The following CHST8 variants were observed in gnomAD, a reference collection of about 807,000 sequenced individuals.
CHST8 encodes carbohydrate sulfotransferase 8, also known as GALNAC-4-ST1.
In CHST8, 10 loss-of-function variants were observed where a neutral mutation model predicts 15.0. The ratio of observed to expected loss-of-function variants is 0.67; its 90% CI spans 0.41 to 1.13. The LOEUF (loss-of-function observed/expected upper bound fraction) is 1.13. Among genes scored for constraint, CHST8 ranks in the 50% most tolerant of loss-of-function variants. The probability of loss-of-function intolerance (pLI) is 0.00; values close to 1 mark genes in which losing one functional copy is unlikely to be tolerated. For synonymous variants in CHST8, 259 were observed against 256.6 expected (o/e 1.01, Z -0.09); for missense variants, 634 against 608.2 (o/e 1.04, Z -0.45).
intron 3 of CHST8, among the ~76,000 whole-genome samples, chr19:33,764,684 C>A (rs1203999357): frequency 6.6e-6 from 1 of 152,058 alleles, no homozygotes; most frequent in Non-Finnish European, 1.5e-5. Context: ...CTAGAGTGGG[C>A]CCTTTTTAAA....
At chr19:33,746,779 G>A (rs529796603) in intron 3 of CHST8, among the ~76,000 whole-genome samples, 76 of 152,178 alleles carry the variant, frequency 5.0e-4, no homozygotes, top group African/African-American at 1.6e-3. Context: ...CCTAACAAAA[G>A]ACCCTAGAAA....
intron 1 of CHST8, among the ~76,000 whole-genome samples, chr19:33,666,734 G>C (rs1972666878): frequency 6.6e-6 from 1 of 152,012 alleles, no homozygotes; most frequent in African/African-American, 2.4e-5. Flanking sequence ...ATGGAGTCTT[G>C]CTCTGTCACC....
chr19:33,754,203 C>A (rs79273453), intron 3 of CHST8, among the ~76,000 whole-genome samples: 10,675 of 148,074 alleles, frequency 0.072, 510 homozygotes, highest in East Asian at 0.14. Context: ...AAGGAAGACA[C>A]CCTTGTGTGG....
At chr19:33,697,881 G>C (rs768836108) in intron 3 of CHST8, among the ~76,000 whole-genome samples, 1 of 152,202 alleles carries the variant, frequency 6.6e-6, no homozygotes, top group Non-Finnish European at 1.5e-5. Flanking sequence ...AGACACAGCC[G>C]GCCCTGGGCC....
In CHST8 at chr19:33,750,537, C is replaced by A. The variant is rs1029582334; in HGVS notation, c.131-20876C>A. On this transcript the variant is annotated intron_variant, in intron 3 of 4. Coordinates refer to ENST00000650847, the MANE Select transcript of CHST8 (RefSeq NM_001127895.2). ...CCCCACCCCTAAGCCTCGGGATAAG[C>A]CATCCCTGAAGGCTGCTGGAGGCGA... Among the ~76,000 whole-genome samples, 7 of 152,222 alleles carry A rather than the reference C, an allele frequency of 4.6e-5. No homozygotes were observed. In the East Asian group the frequency reaches 1.4e-3, roughly 30 times the overall value.
chr19:33,682,528 C>T (rs1476112479), intron 2 of CHST8, among the ~76,000 whole-genome samples: 2 of 152,220 alleles, frequency 1.3e-5, no homozygotes, highest in Non-Finnish European at 2.9e-5. Flanking sequence ...TCATCCCAAA[C>T]AGAGACTCTG....
intron 1 of CHST8, among the ~76,000 whole-genome samples, chr19:33,658,138 G>A (rs913583222): frequency 3.3e-5 from 5 of 152,126 alleles, no homozygotes; most frequent in Non-Finnish European, 5.9e-5. Flanking sequence ...TCAGGAGTTC[G>A]AGACCAGCCT....
intron 3 of CHST8, among the ~76,000 whole-genome samples, chr19:33,769,779 A>G (rs1225589136): frequency 6.6e-6 from 1 of 152,108 alleles, no homozygotes; most frequent in Non-Finnish European, 1.5e-5. Context: ...GGAAGAGTCT[A>G]GAAGGCCTGT....
intron 3 of CHST8, among the ~76,000 whole-genome samples, chr19:33,699,169 A>G (rs1973282302): frequency 6.6e-6 from 1 of 152,096 alleles, no homozygotes; most frequent in Admixed American, 6.5e-5. Flanking sequence ...AGATCTGTAC[A>G]TGCCCATCTG....
At chr19:33,759,255 CACTT>C (rs1974668065) in intron 3 of CHST8, among the ~76,000 whole-genome samples, 1 of 152,252 alleles carries the variant, frequency 6.6e-6, no homozygotes, top group South Asian at 2.1e-4. Flanking sequence ...CAGCCTGACT[CACTT>C]GCTTCTATTT....
At chr19:33,716,368 G>A (rs1394707230) in intron 3 of CHST8, among the ~76,000 whole-genome samples, 3 of 152,032 alleles carry the variant, frequency 2.0e-5, no homozygotes, top group Admixed American at 2.0e-4. Context: ...ACATGTGATT[G>A]ATTTTGTTTT....
intron 2 of CHST8, among the ~76,000 whole-genome samples, chr19:33,677,012 A>G (rs1972818746): frequency 6.6e-6 from 1 of 152,200 alleles, no homozygotes; most frequent in Non-Finnish European, 1.5e-5. Context: ...TGGTTATTAT[A>G]GGAAATGAGC....
In CHST8 at chr19:33,689,244, C is replaced by T; in HGVS notation, c.-18C>T. ...CGTGCCCCCCACACCCAAGAGGTGA[C>T]CCCTGAGCCAGCCCCGGATGACCCT... On this transcript the variant is annotated 5_prime_UTR_variant, in exon 3 of 5. Transcript: ENST00000650847. The T allele has an allele frequency of 6.4e-7, 1 of 1,559,108 alleles. No individual in the cohort carries two copies. Among genetic ancestry groups the T allele is most frequent in the Admixed American group, 1.9e-5 (1 of 53,654 alleles).
At chr19:33,677,224 A>G (rs774095232) in intron 2 of CHST8, among the ~76,000 whole-genome samples, 41 of 152,118 alleles carry the variant, frequency 2.7e-4, no homozygotes, top group Non-Finnish European at 5.0e-4. Context: ...AGATGCTCCC[A>G]GTTAGCCGAG....
In CHST8 at chr19:33,622,387, C is replaced by G. The variant is rs1197363921; in HGVS notation, c.-164+91C>G. On this transcript the variant is annotated intron_variant, in intron 1 of 4. Coordinates refer to ENST00000650847, the MANE Select transcript of CHST8 (RefSeq NM_001127895.2). ...GCCAGGAAGGGGTCCCGAGCGGGCC[C>G]CGGACTGCACCGCTCGCCATCCCCG... is the stretch of plus-strand genomic sequence containing the variant. 5 of 152,172 alleles carry G rather than the reference C, an allele frequency of 3.3e-5. No individual in the cohort carries two copies. In the South Asian group the frequency reaches 6.2e-4, roughly 19 times the overall value. The allele number at this position is 152,172 out of a possible 1,614,324, so 9.4% of individuals were successfully genotyped here.
intron 1 of CHST8, among the ~76,000 whole-genome samples, chr19:33,638,331 G>C (rs1401554906): frequency 6.6e-6 from 1 of 152,182 alleles, no homozygotes; most frequent in African/African-American, 2.4e-5. Context: ...AAACGAAGAA[G>C]GTTGCAGGTG....
At chr19:33,736,075 G>A (rs752961640) in intron 3 of CHST8, among the ~76,000 whole-genome samples, 61 of 152,208 alleles carry the variant, frequency 4.0e-4, no homozygotes, top group Non-Finnish European at 7.8e-4. Flanking sequence ...CGGGATCCCA[G>A]GCCCAGCCTG....
chr19:33,687,619 C>T (rs760659181), intron 2 of CHST8, among the ~76,000 whole-genome samples: 1 of 152,098 alleles, frequency 6.6e-6, no homozygotes, highest in Non-Finnish European at 1.5e-5. Context: ...AGGCCTGGGG[C>T]GGGTTAATTA....
intron 3 of CHST8, among the ~76,000 whole-genome samples, chr19:33,762,670 T>G (rs1183509847): frequency 6.6e-6 from 1 of 152,216 alleles, no homozygotes; most frequent in Non-Finnish European, 1.5e-5. Flanking sequence ...CAGCTGACTT[T>G]CAACCAATGG....
Sources: gnomAD v4.1 joint callset for allele counts (sites outside exome capture counted in the v4.1 genomes callset) on GRCh38, gnomAD v4.1.1 for gene constraint, MANE v1.5 for transcripts, NCBI Gene and HGNC (gene_info 2026-07-23, HGNC 2026-07-21) for gene names.